ASCC2: variants seen among roughly 807,000 people sequenced by gnomAD.
ASCC2 encodes the protein activating signal cointegrator 1 complex subunit 2, also known as ASC-1 complex subunit P100.
In ASCC2, 42 loss-of-function variants were observed where a neutral mutation model predicts 93.5. The ratio of observed to expected loss-of-function variants is 0.45; its 90% confidence interval spans 0.35 to 0.58. The LOEUF is 0.58. ASCC2 is among the 20% of genes least tolerant of loss of function. The pLI is 0.00. For synonymous variants in ASCC2, 364 were observed against 384.2 expected, an observed-to-expected ratio of 0.95 and a Z score of 0.62; for missense variants, 859 against 977.6, an observed-to-expected ratio of 0.88 and a Z score of 1.62.
At chr22:29,819,705 C>G (rs563777051) in intron 5 of ASCC2, among the ~76,000 whole-genome samples, 28 of 152,272 alleles carry the variant, frequency 1.8e-4, no homozygotes, top group African/African-American at 6.7e-4. Context: ...AATCTGGCTC[C>G]AAGGCTCCAA....
Position 29,815,854 on chromosome 22 carries a change from G to A in ASCC2, c.609+152C>T, listed in dbSNP as rs549589168. The A allele has an allele frequency of 7.5e-6, 5 of 667,866 alleles. No homozygotes were observed. In the East Asian group the frequency reaches 1.4e-4, roughly 18 times the overall value. The allele number at this position is 667,866 out of a possible 1,614,324, so 41.4% of individuals were successfully genotyped here. ...GGCAAATTTAAAGAGGTGTAGTCAG[G>A]GGTAAGACAAAGAGACTGTCTGGGG... On this transcript the variant is annotated intron_variant, in intron 6 of 19. Transcript: ENST00000307790.
chr22:29,806,523 C>T lies in ASCC2; in HGVS notation c.1047G>A (p.Glu349=). ...GCAAGGAGCTGAAGATCTGAAGGAA[C>T]TCTTCGATGAAGCCCTGAATGTTGT... is the stretch of plus-strand genomic sequence containing the variant. ...SCDNIQGFIE[E]FLQIFSSLLQ... is the part of the protein sequence containing the mutation. Residue 349 remains glutamate (E), a synonymous_variant, in exon 11 of 20, where the codon GAG becomes GAA. Coordinates refer to ENST00000307790, the MANE Select transcript of ASCC2 (RefSeq NM_032204.5). 1.2e-6 allele frequency: 2 copies of T among 1,613,940 alleles called. No individual in the cohort carries two copies. The highest frequency in any genetic ancestry group is 1.1e-5 in the South Asian group (1 of 91,002).
At position 29,825,048 on chromosome 22, in the gene ASCC2, A is replaced by T. The variant is rs534388694; in HGVS notation, c.411+39T>A. The T allele has an allele frequency of 7.3e-7, 1 of 1,371,070 alleles. No homozygotes were observed. Among genetic ancestry groups the T allele is most frequent in the South Asian group, 1.9e-5 (1 of 52,838 alleles). 84.9% of individuals were successfully genotyped at this position (1,371,070 alleles called of 1,614,324 possible). On this transcript the variant is annotated intron_variant, in intron 4 of 19. Coordinates refer to ENST00000307790, the MANE Select transcript of ASCC2 (RefSeq NM_032204.5). The surrounding 1 kb of genome is among the most constrained non-coding windows in gnomAD (Gnocchi z 4.9). ...TGGAGAGCCCGGCACAGAGGTGTCGAGTATCGGGTGATGACCTGTCATGGG... is the reference window on the plus strand; with the variant it reads ...TGGAGAGCCCGGCACAGAGGTGTCGTGTATCGGGTGATGACCTGTCATGGG...
intron 13 of ASCC2, 36 bp downstream of exon 13, chr22:29,804,602 C>T (rs754359271): frequency 1.2e-6 from 2 of 1,600,860 alleles, no homozygotes. Context: ...CAAGGAGGGA[C>T]AAGCGAAGAG....
At chr22:29,807,938 AC>A (rs2059869875) in intron 9 of ASCC2, among the ~76,000 whole-genome samples, 172 bp downstream of exon 9, 1 of 152,096 alleles carries the variant, frequency 6.6e-6, no homozygotes, top group South Asian at 2.1e-4. Context: ...AAAAAAAAAA[AC>A]AAATGCAGAG....
At chr22:29,792,405 C>G in intron 18 of ASCC2, 28 bp downstream of exon 18, 1 of 1,612,738 alleles carries the variant, frequency 6.2e-7, no homozygotes, top group African/African-American at 1.3e-5. Flanking sequence ...GCACTCTCCC[C>G]TTCATCTGCT....
chr22:29,822,223 G>C, intron 5 of ASCC2, 112 bp downstream of exon 5: 4 of 1,413,258 alleles, frequency 2.8e-6, no homozygotes, highest in Non-Finnish European at 3.9e-6. Flanking sequence ...AAGACTCCCT[G>C]CCCCTATCGC....
rs2058034721 is a variant in ASCC2, at chr22:29,793,468, C to A, written c.1811G>T (p.Ser604Ile). The change falls in exon 17 of 20, where the codon AGC becomes ATC. Residue 604 changes from serine (S) to isoleucine (I), a missense_variant. Ser to Ile is a moderately radical substitution (Grantham distance 142). Coordinates refer to ENST00000307790, the MANE Select transcript of ASCC2 (RefSeq NM_032204.5). ...VEEVPLQPGESLPYHSVYYED... is the reference protein window; with the variant it reads ...VEEVPLQPGEILPYHSVYYED... Reference sequence around the variant, plus strand: ...GTAGTAGACACTGTGGTAGGGCAGGCTCTCGCCTGGCTGCAGTGGCACCTG... The same window carrying A: ...GTAGTAGACACTGTGGTAGGGCAGGATCTCGCCTGGCTGCAGTGGCACCTG... The A allele has an allele frequency of 6.2e-7, 1 of 1,614,074 alleles. No homozygotes were observed. The highest frequency in any genetic ancestry group is 1.3e-5 in the African/African-American group (1 of 74,942).
rs541446102 is a variant in ASCC2 at position 29,833,437 on chromosome 22, TGGAAGAAG to T, written c.-17-1103_-17-1096del. On this transcript the variant is annotated intron_variant, in intron 1 of 19. Transcript: ENST00000307790. ...ACATGAGAAGAAGGGAAGAAGGACA[TGGAAGAAG>T]GGAAGAAGGACGTGGAAAAAGAGAA... 2.6e-4 allele frequency: 95 copies of T among 358,858 alleles called. 1 individual carries two copies. Among genetic ancestry groups the T allele is most frequent in the Admixed American group, 7.6e-5 (2 of 26,428 alleles). 22.2% of individuals were successfully genotyped at this position (358,858 alleles called of 1,614,324 possible). A position where few individuals can be genotyped will look rare whatever the true frequency, so the allele number is the denominator to read the frequency against.
chr22:29,793,523 C>G, intron 16 of ASCC2, 33 bp from the exon 17 acceptor site: 1 of 1,613,960 alleles, frequency 6.2e-7, no homozygotes, highest in Non-Finnish European at 8.5e-7. Flanking sequence ...CTGGGGGGCT[C>G]AGGGGCTGGC....
At position 29,827,756 on chromosome 22, in the gene ASCC2, C is replaced by CAACACACACACACACA. The variant is rs1568952571; in HGVS notation, c.82-1977_82-1976insTGTGTGTGTGTGTGTT. ...ACTCAGGCCAGGCTACTCATTCTCCCGACACACACACACACACACACACAC... is the reference window on the plus strand; with the variant it reads ...ACTCAGGCCAGGCTACTCATTCTCCCAACACACACACACACAGACACACACACACACACACACACAC... On this transcript the variant is annotated intron_variant, in intron 2 of 19. Coordinates refer to ENST00000307790, the MANE Select transcript of ASCC2 (RefSeq NM_032204.5). 7.5e-4 allele frequency among the ~76,000 whole-genome samples: 52 copies of CAACACACACACACACA among 69,614 alleles called. 1 individual carries two copies. Among genetic ancestry groups the CAACACACACACACACA allele is most frequent in the African/African-American group, 2.7e-3 (49 of 17,954 alleles). 45.7% of individuals were successfully genotyped at this position (69,614 alleles called of 152,430 possible).
chr22:29,837,817 A>G (rs1237120453), intron 1 of ASCC2, among the ~76,000 whole-genome samples: 1 of 152,248 alleles, frequency 6.6e-6, no homozygotes, highest in East Asian at 1.9e-4. Flanking sequence ...TGAGGGCAGA[A>G]GCCTTGTCTG....
At chr22:29,800,613 T>C (rs1417991654) in intron 15 of ASCC2, among the ~76,000 whole-genome samples, 1 of 152,230 alleles carries the variant, frequency 6.6e-6, no homozygotes, top group African/African-American at 2.4e-5. Flanking sequence ...TCATTCAAAG[T>C]CCTTAATTTT....
chr22:29,838,171 C>T lies in ASCC2; in HGVS notation c.-18+7G>A. 2.2e-6 allele frequency: 1 copy of T among 464,418 alleles called. No homozygotes were observed. Among genetic ancestry groups the T allele is most frequent in the South Asian group, 1.5e-5 (1 of 65,404 alleles). The allele number at this position is 464,418 out of a possible 1,614,324, so 28.8% of individuals were successfully genotyped here. On this transcript the variant is annotated splice_region_variant and intron_variant, in intron 1 of 19. Coordinates refer to ENST00000307790, the MANE Select transcript of ASCC2 (RefSeq NM_032204.5). Reference sequence around the variant, plus strand: ...CTGCATCTGGCAGGGACCAGCCACGCACTCACCTCGGCGGCTCCACCACCG... The same window carrying T: ...CTGCATCTGGCAGGGACCAGCCACGTACTCACCTCGGCGGCTCCACCACCG...
At chr22:29,832,440 A>T in intron 1 of ASCC2, 98 bp from the exon 2 acceptor site, 1 of 944,808 alleles carries the variant, frequency 1.1e-6, no homozygotes, top group Admixed American at 2.4e-5. Context: ...GAGAAGCTTC[A>T]ACCTCTCGCC....
At chr22:29,798,558 C>T (rs1010465403) in intron 15 of ASCC2, among the ~76,000 whole-genome samples, 5 of 152,188 alleles carry the variant, frequency 3.3e-5, no homozygotes, top group Admixed American at 6.5e-5. Flanking sequence ...TACCTTACAC[C>T]GCCTTGTCAT....
chr22:29,798,948 T>C (rs1284325897), intron 15 of ASCC2, among the ~76,000 whole-genome samples: 1 of 152,204 alleles, frequency 6.6e-6, no homozygotes, highest in Non-Finnish European at 1.5e-5. Flanking sequence ...GCACAGTGAG[T>C]CTCTCTGCGT....
At chr22:29,818,894 G>C (rs561139173) in intron 5 of ASCC2, among the ~76,000 whole-genome samples, 34 of 152,120 alleles carry the variant, frequency 2.2e-4, no homozygotes, top group Admixed American at 7.2e-4. Context: ...GCTTAAATCT[G>C]CTTCCTGGAT....
At chr22:29,811,640 G>T (rs1437971594) in intron 8 of ASCC2, among the ~76,000 whole-genome samples, 1 of 152,138 alleles carries the variant, frequency 6.6e-6, no homozygotes, top group Admixed American at 6.6e-5. Context: ...GGTGTTCGTG[G>T]GTCAAAGGCA....
Sources: gnomAD v4.1 joint callset for allele counts (sites outside exome capture counted in the v4.1 genomes callset) on GRCh38, gnomAD v4.1.1 for gene constraint, Gnocchi (gnomAD v3.1) non-coding constraint, MANE v1.5 for transcripts, NCBI Gene and HGNC (gene_info 2026-07-23, HGNC 2026-07-21) for gene names.